Variants in XKR3 observed in about 807,000 individuals in gnomAD.
The protein encoded by XKR3 is XK related 3.
XKR3 carries 27 observed loss-of-function variants against 40.3 expected under a neutral mutation model. The ratio of observed to expected loss-of-function variants is 0.67; its 90% CI spans 0.49 to 0.92. The LOEUF (loss-of-function observed/expected upper bound fraction) is 0.92, where lower values mean the gene tolerates loss of function less well. Ranked by LOEUF, XKR3 falls within the 40% of genes least tolerant of loss-of-function variation. The pLI, the probability that XKR3 is intolerant of heterozygous loss-of-function variation, is 0.00. For synonymous variants in XKR3, 193 were observed against 195.4 expected, an observed-to-expected ratio of 0.99 and a Z score of 0.10; for missense variants, 472 against 537.6, an observed-to-expected ratio of 0.88 and a Z score of 1.21.
intron 3 of XKR3, among the ~76,000 whole-genome samples, chr22:16,793,995 T>C (rs1259569006): frequency 3.3e-5 from 5 of 152,156 alleles, no homozygotes; most frequent in Admixed American, 6.5e-5. Flanking sequence ...CAAACAATAA[T>C]GAAGCAAAAA....
intron 1 of XKR3, among the ~76,000 whole-genome samples, chr22:16,808,736 G>A (rs2146169671): frequency 6.6e-6 from 1 of 152,164 alleles, no homozygotes; most frequent in South Asian, 2.1e-4. Flanking sequence ...GCTCATTTTA[G>A]GTTCTCTGTA....
At chr22:16,824,236 TACGAGGA>T (rs2060266183) in intron 1 of XKR3, among the ~76,000 whole-genome samples, 2 of 152,112 alleles carry the variant, frequency 1.3e-5, no homozygotes, top group African/African-American at 4.8e-5. Context: ...CATTTCCACC[TACGAGGA>T]ACGGGCATGT....
At chr22:16,810,318 T>C (rs2060207430) in intron 1 of XKR3, among the ~76,000 whole-genome samples, 1 of 152,238 alleles carries the variant, frequency 6.6e-6, no homozygotes, top group African/African-American at 2.4e-5. Context: ...GTTTCCCATT[T>C]CACCTGATAA....
intron 3 of XKR3, among the ~76,000 whole-genome samples, chr22:16,793,605 T>TATCTGAGGA (rs2060129510): frequency 1.3e-5 from 2 of 152,110 alleles, no homozygotes; most frequent in Non-Finnish European, 2.9e-5. Flanking sequence ...CAAAACTTCT[T>TATCTGAGGA]ATCTGAGGAA....
At chr22:16,799,238 C>T (rs377202770) in intron 3 of XKR3, among the ~76,000 whole-genome samples, 1 of 151,050 alleles carries the variant, frequency 6.6e-6, no homozygotes, top group Admixed American at 6.6e-5. Flanking sequence ...ACAGTGAAAC[C>T]CGATCTCTAC....
intron 1 of XKR3, among the ~76,000 whole-genome samples, chr22:16,819,071 A>G (rs2060245341): frequency 6.6e-6 from 1 of 151,940 alleles, no homozygotes; most frequent in Non-Finnish European, 1.5e-5. Context: ...ATGCTCTGAT[A>G]TACATTAAAA....
intron 3 of XKR3, among the ~76,000 whole-genome samples, chr22:16,793,650 A>T (rs2060129700): frequency 6.6e-6 from 1 of 152,180 alleles, no homozygotes; most frequent in African/African-American, 2.4e-5. Flanking sequence ...GGTGACCATC[A>T]AATAGGCTGT....
At chr22:16,790,057 T>C (rs2060107510) in intron 3 of XKR3, among the ~76,000 whole-genome samples, 1 of 152,154 alleles carries the variant, frequency 6.6e-6, no homozygotes, top group African/African-American at 2.4e-5. Flanking sequence ...GAGGATCACC[T>C]GAACCTAGGA....
chr22:16,807,910 A>C lies in XKR3; in HGVS notation c.164T>G (p.Phe55Cys). The C allele has an allele frequency of 6.2e-7, 1 of 1,614,072 alleles. No homozygotes were observed. The highest frequency in any genetic ancestry group is 1.3e-5 in the African/African-American group (1 of 75,054). The change falls in exon 2 of 4, where the codon TTT (phenylalanine) becomes TGT (cysteine). Residue 55 changes from phenylalanine to cysteine, a missense_variant. Coordinates refer to ENST00000684488, the MANE Select transcript of XKR3 (RefSeq NM_001386955.1). ...GTCATTAGCTTTTCGATAAATTTCA[A>C]ACATGTATAAACCAAAGGCAACCTC... ...CGEVAFGLYM[F>C]EIYRKANDTF...
At chr22:16,817,006 T>A (rs1335976230) in intron 1 of XKR3, among the ~76,000 whole-genome samples, 1 of 152,092 alleles carries the variant, frequency 6.6e-6, no homozygotes, top group Non-Finnish European at 1.5e-5. Context: ...ATGTGACATT[T>A]ACATTTATGT....
intron 3 of XKR3, among the ~76,000 whole-genome samples, chr22:16,793,605 T>C (rs12158281): frequency 0.012 from 1,818 of 152,224 alleles, 33 homozygotes; most frequent in African/African-American, 0.042. Flanking sequence ...CAAAACTTCT[T>C]ATCTGAGGAA....
intron 1 of XKR3, among the ~76,000 whole-genome samples, chr22:16,817,291 T>C (rs1247861886): frequency 6.6e-6 from 1 of 152,096 alleles, no homozygotes. Flanking sequence ...TTCAACTTTT[T>C]ATCCTTGAGT....
chr22:16,813,028 T>C (rs761265968), intron 1 of XKR3, among the ~76,000 whole-genome samples: 4 of 152,190 alleles, frequency 2.6e-5, no homozygotes, highest in Non-Finnish European at 5.9e-5. Flanking sequence ...CTCACGCCTG[T>C]AATCCCAGCA....
intron 3 of XKR3, among the ~76,000 whole-genome samples, chr22:16,785,624 G>A (rs1434397015): frequency 2.0e-5 from 3 of 152,140 alleles, no homozygotes; most frequent in African/African-American, 7.2e-5. Flanking sequence ...CAGCACTTTG[G>A]GATGCTGAGG....
At chr22:16,792,441 T>C (rs1443496464) in intron 3 of XKR3, among the ~76,000 whole-genome samples, 1 of 152,248 alleles carries the variant, frequency 6.6e-6, no homozygotes, top group Admixed American at 6.5e-5. Context: ...GTAGAACTTA[T>C]TTGTAAAAAA....
At chr22:16,785,624 G>C (rs1434397015) in intron 3 of XKR3, among the ~76,000 whole-genome samples, 2 of 152,022 alleles carry the variant, frequency 1.3e-5, no homozygotes, top group African/African-American at 2.4e-5. Flanking sequence ...CAGCACTTTG[G>C]GATGCTGAGG....
At chr22:16,811,957 T>C (rs908759787) in intron 1 of XKR3, among the ~76,000 whole-genome samples, 1 of 151,964 alleles carries the variant, frequency 6.6e-6, no homozygotes, top group African/African-American at 2.4e-5. Flanking sequence ...GGCAGTGAGC[T>C]GAGATCACAC....
At chr22:16,805,655 CAACTT>C (rs2060186597) in intron 2 of XKR3, among the ~76,000 whole-genome samples, 1 of 152,096 alleles carries the variant, frequency 6.6e-6, no homozygotes, top group Non-Finnish European at 1.5e-5. Context: ...ATAATATTAT[CAACTT>C]AATTAATTTG....
intron 2 of XKR3, among the ~76,000 whole-genome samples, chr22:16,800,431 T>G (rs1267955056): frequency 6.6e-6 from 1 of 152,198 alleles, no homozygotes; most frequent in Non-Finnish European, 1.5e-5. Context: ...TGACAACTTT[T>G]TAAAGACATC....
Sources: gnomAD v4.1 joint callset for allele counts (sites outside exome capture counted in the v4.1 genomes callset) on GRCh38, gnomAD v4.1.1 for gene constraint, MANE v1.5 for transcripts, NCBI Gene and HGNC (gene_info 2026-07-23, HGNC 2026-07-21) for gene names.